VMP1: variants seen among roughly 807,000 people sequenced by gnomAD.
VMP1 encodes ectopic P-granules autophagy protein 3 homolog.
A neutral mutation model predicts 56.0 loss-of-function variants in VMP1; 11 were observed. The ratio of observed to expected loss-of-function variants is 0.20; its 90% CI spans 0.12 to 0.32. The LOEUF (loss-of-function observed/expected upper bound fraction) is 0.32, where lower values mean the gene tolerates loss of function less well. Among genes scored for constraint, VMP1 ranks in the 10% least tolerant of loss-of-function variants. The pLI is 1.00. For synonymous variants in VMP1, 149 were observed against 165.0 expected (o/e 0.90, Z 0.74); for missense variants, 296 against 490.3 (o/e 0.60, Z 3.74).
intron 6 of VMP1, 69 bp from the exon 7 acceptor site, chr17:59,773,685 G>A: frequency 7.0e-7 from 1 of 1,429,396 alleles, no homozygotes. Context: ...AGAAGAGTAT[G>A]GGTTTGATCT....
chr17:59,743,580 C>CTATA (rs1194117956), intron 5 of VMP1, among the ~76,000 whole-genome samples: 1 of 146,870 alleles, frequency 6.8e-6, no homozygotes, highest in Non-Finnish European at 1.5e-5. Flanking sequence ...CTCTCTCTCT[C>CTATA]TATATATATA....
At chr17:59,793,943 CAG>C (rs2037331862) in intron 7 of VMP1, among the ~76,000 whole-genome samples, 1 of 146,478 alleles carries the variant, frequency 6.8e-6, no homozygotes, top group Admixed American at 6.8e-5. Context: ...TTTTTCAAGA[CAG>C]AGTCTTGCTC....
At chr17:59,760,822 T>C (rs1206894741) in intron 5 of VMP1, among the ~76,000 whole-genome samples, 3 of 152,174 alleles carry the variant, frequency 2.0e-5, no homozygotes, top group Admixed American at 2.0e-4. Context: ...GGTTTCACCA[T>C]GTTAGCCAGG....
chr17:59,839,619 G>T (rs1281016875), intron 11 of VMP1, 149 bp from the exon 12 acceptor site: 9 of 920,172 alleles, frequency 9.8e-6, no homozygotes, highest in African/African-American at 1.7e-5. Flanking sequence ...GAGTAATGGA[G>T]ATTTCAGAGT....
intron 4 of VMP1, among the ~76,000 whole-genome samples, chr17:59,737,823 G>A (rs1036033543): frequency 3.3e-5 from 5 of 151,664 alleles, no homozygotes. Context: ...AGGTTGGAGC[G>A]CAGTGGTGTG....
At chr17:59,727,044 T>A (rs2058144947) in intron 1 of VMP1, among the ~76,000 whole-genome samples, 1 of 152,164 alleles carries the variant, frequency 6.6e-6, no homozygotes, top group Non-Finnish European at 1.5e-5. Flanking sequence ...AACCCTCTGA[T>A]GTGTGTCATG....
intron 1 of VMP1, among the ~76,000 whole-genome samples, chr17:59,714,521 A>C (rs1030876915): frequency 4.6e-5 from 7 of 152,176 alleles, no homozygotes; most frequent in Non-Finnish European, 4.4e-5. Context: ...TCAGATACAC[A>C]AAACTAATAA....
At chr17:59,746,197 A>G (rs148544727) in intron 5 of VMP1, among the ~76,000 whole-genome samples, 159 of 152,250 alleles carry the variant, frequency 1.0e-3, no homozygotes, top group African/African-American at 3.7e-3. Flanking sequence ...TTGAGATAGC[A>G]TCTCTCTCTG....
At chr17:59,762,597 A>G (rs2036096362) in intron 5 of VMP1, among the ~76,000 whole-genome samples, 1 of 152,208 alleles carries the variant, frequency 6.6e-6, no homozygotes. Flanking sequence ...AGTTTAAACT[A>G]TGAACAAAGG....
chr17:59,761,094 G>T (rs2036037239), intron 5 of VMP1, among the ~76,000 whole-genome samples: 1 of 151,272 alleles, frequency 6.6e-6, no homozygotes, highest in Non-Finnish European at 1.5e-5. Context: ...AGTAGAGACA[G>T]GTTTCACCAT....
At chr17:59,821,289 T>A (rs1192388630) in intron 10 of VMP1, among the ~76,000 whole-genome samples, 1 of 151,910 alleles carries the variant, frequency 6.6e-6, no homozygotes, top group African/African-American at 2.4e-5. Context: ...TCTTTCAAAG[T>A]CAGTAATTTA....
intron 5 of VMP1, among the ~76,000 whole-genome samples, chr17:59,741,023 C>T (rs1402824792): frequency 6.6e-6 from 1 of 152,120 alleles, no homozygotes; most frequent in Non-Finnish European, 1.5e-5. Context: ...CACATCTCTA[C>T]ATCTCTATAA....
At chr17:59,796,943 T>C (rs1358463396) in intron 7 of VMP1, among the ~76,000 whole-genome samples, 5 of 152,170 alleles carry the variant, frequency 3.3e-5, no homozygotes, top group African/African-American at 4.8e-5. Context: ...AAATCTATAC[T>C]CACCAGAAGG....
chr17:59,834,887 G>A (rs2038930677), intron 10 of VMP1, among the ~76,000 whole-genome samples: 1 of 151,782 alleles, frequency 6.6e-6, no homozygotes, highest in South Asian at 2.1e-4. Flanking sequence ...GCCTCCCAAA[G>A]TGCTAGGATT....
intron 7 of VMP1, among the ~76,000 whole-genome samples, chr17:59,784,106 T>A (rs1334241310): frequency 1.2e-5 from 1 of 85,240 alleles, no homozygotes; most frequent in Non-Finnish European, 2.3e-5. Context: ...AAAGAGTGTG[T>A]GTGTGTGTGT....
chr17:59,728,353 T>C (rs1386140381), intron 1 of VMP1, among the ~76,000 whole-genome samples: 2 of 152,212 alleles, frequency 1.3e-5, no homozygotes, highest in Non-Finnish European at 2.9e-5. Flanking sequence ...TAGTATTTGT[T>C]CAGTGAATAG....
intron 7 of VMP1, among the ~76,000 whole-genome samples, chr17:59,792,388 CTG>C (rs1334418711): frequency 6.6e-6 from 1 of 152,150 alleles, no homozygotes; most frequent in African/African-American, 2.4e-5. Flanking sequence ...CTTAAGTTTC[CTG>C]TCTCTGACAG....
chr17:59,812,916 C>A (rs2038101368), intron 9 of VMP1, among the ~76,000 whole-genome samples: 1 of 151,880 alleles, frequency 6.6e-6, no homozygotes. Flanking sequence ...GGCAACAGAG[C>A]AAGACTCTGT....
intron 10 of VMP1, chr17:59,834,109 C>T (rs1055001939): frequency 6.6e-6 from 1 of 151,986 alleles, no homozygotes; most frequent in Non-Finnish European, 1.5e-5. Flanking sequence ...GCGCCCGCCA[C>T]CAAACCTGGC....
Sources: allele counts gnomAD v4.1 joint callset (sites outside exome capture counted in the v4.1 genomes callset), GRCh38; gene constraint gnomAD v4.1.1; transcripts MANE v1.5; gene names NCBI Gene and HGNC (gene_info 2026-07-23, HGNC 2026-07-21).